Variants in FOXRED2 observed in about 807,000 individuals in gnomAD.
FOXRED2 encodes the protein FAD dependent oxidoreductase domain containing 2, also known as FAD-dependent oxidoreductase domain-containing protein 2.
FOXRED2 carries 32 observed loss-of-function variants against 52.5 expected under a neutral mutation model. The ratio of observed to expected loss-of-function variants is 0.61; its 90% CI spans 0.46 to 0.82. FOXRED2 has a LOEUF of 0.82. FOXRED2 is among the 40% of genes least tolerant of loss of function. The pLI is 0.00. For missense variants in FOXRED2, 848 were observed against 937.5 expected (o/e 0.90, Z 1.25); for synonymous variants, 405 against 398.1 (o/e 1.02, Z -0.21).
At chr22:36,506,762 A>C (rs1934211914) in intron 1 of FOXRED2, 7 of 233,200 alleles carry the variant, frequency 3.0e-5, no homozygotes, top group Non-Finnish European at 5.0e-5. Context: ...CCTTTGAACC[A>C]CCCTCCAGGT....
chr22:36,493,098 C>T (rs899649330), intron 8 of FOXRED2, among the ~76,000 whole-genome samples: 2 of 152,228 alleles, frequency 1.3e-5, no homozygotes, highest in Non-Finnish European at 2.9e-5. Context: ...CCCACCCATA[C>T]CTGGCCCTGG....
chr22:36,490,112 G>C lies in FOXRED2; in HGVS notation c.1951C>G (p.Leu651Val). ...CCAAGCTGCTGGCTGCTGTCCTCCA[G>C]GCGCCTGCCTGTGGGGGCATAGTCC... ...LRDYAPTGRR[L>V]EDSSQQLGDQ... The change falls in exon 9 of 9, where the codon CTG becomes GTG. Residue 651 changes from leucine to valine, a missense_variant. Leu to Val is a conservative substitution (Grantham distance 32). Transcript: ENST00000397224. 1.2e-6 allele frequency: 2 copies of C among 1,613,990 alleles called. No individual in the cohort carries two copies. The highest frequency in any genetic ancestry group is 3.3e-5 in the Admixed American group (2 of 60,004).
intron 4 of FOXRED2, among the ~76,000 whole-genome samples, chr22:36,503,503 G>A (rs1192722304): frequency 6.6e-6 from 1 of 151,616 alleles, no homozygotes; most frequent in Non-Finnish European, 1.5e-5. Flanking sequence ...TAGAGATGGG[G>A]TTTCACCATG....
Position 36,490,009 on chromosome 22 carries a change from C to G in FOXRED2, c.2054G>C (p.Ter685SerextTer16). ...TGCCCACAGCTTAGGAAGGGACAGT[C>G]AGAGCTCCTCTTTGTTGCTATCGAC... ...QSVDSNKEEL* is the reference protein window; with the variant it reads ...QSVDSNKEELS Residue 685 changes from the stop codon to serine, a stop_lost, in exon 9 of 9, where the codon TGA becomes TCA. Transcript: ENST00000397224. The G allele has an allele frequency of 6.4e-7, 1 of 1,570,216 alleles. No individual in the cohort carries two copies. Among genetic ancestry groups the G allele is most frequent in the South Asian group, 1.2e-5 (1 of 85,882 alleles).
chr22:36,504,918 AT>A, intron 2 of FOXRED2, 152 bp from the exon 3 acceptor site: 2 of 840,056 alleles, frequency 2.4e-6, no homozygotes, highest in Non-Finnish European at 3.7e-6. Flanking sequence ...TTTTTCATTC[AT>A]TCATCTGTTT....
intron 6 of FOXRED2, among the ~76,000 whole-genome samples, 188 bp downstream of exon 6, chr22:36,497,803 C>T (rs895742604): frequency 1.1e-4 from 17 of 152,164 alleles, no homozygotes; most frequent in African/African-American, 3.1e-4. Context: ...CTAATGTGCC[C>T]GTGGCCACTC....
chr22:36,502,187 AC>A lies in FOXRED2; in HGVS notation c.1050-781del, dbSNP rs1371949176. 2.2e-3 allele frequency among the ~76,000 whole-genome samples: 321 copies of A among 147,548 alleles called. 1 individual carries two copies. Among genetic ancestry groups the A allele is most frequent in the Admixed American group, 5.4e-3 (80 of 14,750 alleles). ...CTGTCTCAAACAAACAAACAAACAAACAAACAATGAAGTCAGGCCAGGCACA... is the reference window on the plus strand; with the variant it reads ...CTGTCTCAAACAAACAAACAAACAAAAAACAATGAAGTCAGGCCAGGCACA... On this transcript the variant is annotated intron_variant, in intron 4 of 8. Coordinates refer to ENST00000397224, the MANE Select transcript of FOXRED2 (RefSeq NM_001102371.2).
chr22:36,506,010 A>T lies in FOXRED2; in HGVS notation c.413T>A (p.Leu138His). ...GATGGTGGTGTTGTACTGGACACGGAGCCCCAGCGTGTCCGCGAAGTCACC... is the reference window on the plus strand; with the variant it reads ...GATGGTGGTGTTGTACTGGACACGGTGCCCCAGCGTGTCCGCGAAGTCACC... ...YLGDFADTLG[L>H]RVQYNTTIAH... The change falls in exon 2 of 9, where the codon CTC becomes CAC. Residue 138 changes from leucine (L) to histidine (H), a missense_variant. Leu to His is a moderately conservative substitution (Grantham distance 99). Coordinates refer to ENST00000397224, the MANE Select transcript of FOXRED2 (RefSeq NM_001102371.2). 1 of 1,614,220 alleles carries T rather than the reference A, an allele frequency of 6.2e-7. No individual in the cohort carries two copies. Among genetic ancestry groups the T allele is most frequent in the Admixed American group, 1.7e-5 (1 of 60,030 alleles).
intron 3 of FOXRED2, 41 bp from the exon 4 acceptor site, chr22:36,504,408 AAGCTGGGCAGTGC>A (rs1934136621): frequency 6.2e-7 from 1 of 1,610,502 alleles, no homozygotes; most frequent in South Asian, 1.1e-5. Flanking sequence ...ACTCAGAGGA[AAGCTGGGCAGTGC>A]AGCTGGGGTC....
intron 8 of FOXRED2, among the ~76,000 whole-genome samples, chr22:36,491,839 C>T (rs927227796): frequency 6.6e-6 from 1 of 152,110 alleles, no homozygotes; most frequent in Non-Finnish European, 1.5e-5. Flanking sequence ...GTCATTTAGC[C>T]AAGTACTTAT....
chr22:36,499,409 AGTTTGAGACCAGCCTGG>A (rs1247052254), intron 5 of FOXRED2, among the ~76,000 whole-genome samples: 1 of 151,948 alleles, frequency 6.6e-6, no homozygotes, highest in Non-Finnish European at 1.5e-5. Flanking sequence ...TGAGCTTGGG[AGTTTGAGACCAGCCTGG>A]GCAACATGGC....
chr22:36,490,852 A>G (rs1464793337), intron 8 of FOXRED2, among the ~76,000 whole-genome samples: 1 of 152,240 alleles, frequency 6.6e-6, no homozygotes, highest in Non-Finnish European at 1.5e-5. Context: ...GTGGATACTT[A>G]TCATGTAGAA....
intron 7 of FOXRED2, among the ~76,000 whole-genome samples, chr22:36,495,392 G>C (rs1933869713): frequency 6.6e-6 from 1 of 152,180 alleles, no homozygotes; most frequent in African/African-American, 2.4e-5. Flanking sequence ...TCTGAAGCAG[G>C]GGGTGCGTTC....
chr22:36,498,530 G>A lies in FOXRED2; in HGVS notation c.1217-374C>T, dbSNP rs1027815650. 9 of 185,956 alleles carry A rather than the reference G, an allele frequency of 4.8e-5. No individual in the cohort carries two copies. The South Asian group carries it at 1.1e-3, about 23-fold the overall frequency. The allele number at this position is 185,956 out of a possible 1,614,324, so 11.5% of individuals were successfully genotyped here. A position where few individuals can be genotyped will look rare whatever the true frequency, so the allele number is the denominator to read the frequency against. On this transcript the variant is annotated intron_variant, in intron 5 of 8. Transcript: ENST00000397224. ...TGCCCCTGCTTCAGGCCATCTGCAC[G>A]TGGGAGTCCCACCGGCCCCACCTCA...
intron 6 of FOXRED2, among the ~76,000 whole-genome samples, chr22:36,496,701 C>T (rs1603494305): frequency 6.6e-6 from 1 of 152,186 alleles, no homozygotes. Flanking sequence ...TTCTAAGGAC[C>T]ACTCTGGTTA....
In FOXRED2 at chr22:36,496,050, T is replaced by A; in HGVS notation, c.1541A>T (p.Asp514Val). 6.2e-7 allele frequency: 1 copy of A among 1,614,174 alleles called. No individual in the cohort carries two copies. The highest frequency in any genetic ancestry group is 8.5e-7 in the Non-Finnish European group (1 of 1,180,038). Residue 514 changes from aspartate (D) to valine (V), a missense_variant, in exon 7 of 9, where the codon GAC becomes GTC. By Grantham distance (152) the Asp-to-Val change is radical (BLOSUM62 -3). Transcript: ENST00000397224. Reference sequence around the variant, plus strand: ...ATCTTCTGTGTGCCCCACAGACCGGTCATCAAAGAAGACGTCCTTGTCGGG... The same window carrying A: ...ATCTTCTGTGTGCCCCACAGACCGGACATCAAAGAAGACGTCCTTGTCGGG... ...SGPDKDVFFDDRSVGHTEDAW... is the reference protein window; with the variant it reads ...SGPDKDVFFDVRSVGHTEDAW...
chr22:36,506,114 G>A lies in FOXRED2; in HGVS notation c.309C>T (p.Leu103=), dbSNP rs139058886. Residue 103 remains leucine (L), a synonymous_variant, in exon 2 of 9, where the codon CTC becomes CTT. Coordinates refer to ENST00000397224, the MANE Select transcript of FOXRED2 (RefSeq NM_001102371.2). The part of the protein sequence containing the change: ...FNLRHDWNSL[L]SHDPRLLFRH... ...TGAAGAGCAGCCGGGGGTCGTGGCT[G>A]AGCAGAGAGTTCCAGTCGTGGCGGA... is the stretch of plus-strand genomic sequence containing the variant. The A allele has an allele frequency of 7.7e-4, 1,247 of 1,614,242 alleles. 5 individuals carry two copies. The African/African-American group carries it at 0.015, about 19-fold the overall frequency.
At chr22:36,491,893 G>C (rs1603492304) in intron 8 of FOXRED2, among the ~76,000 whole-genome samples, 1 of 152,164 alleles carries the variant, frequency 6.6e-6, no homozygotes, top group Non-Finnish European at 1.5e-5. Context: ...TATGGGCTCA[G>C]CCTTCTGAGG....
chr22:36,494,096 A>C (rs893540177), intron 7 of FOXRED2, among the ~76,000 whole-genome samples: 1 of 152,140 alleles, frequency 6.6e-6, no homozygotes, highest in Non-Finnish European at 1.5e-5. Context: ...ATGGACTGAG[A>C]TCTACTGTGG....
Sources: allele counts gnomAD v4.1 joint callset (sites outside exome capture counted in the v4.1 genomes callset), GRCh38; gene constraint gnomAD v4.1.1; transcripts MANE v1.5; gene names NCBI Gene and HGNC (gene_info 2026-07-23, HGNC 2026-07-21).